Variants in DUOXA2 observed in about 807,000 individuals in gnomAD.
The protein encoded by DUOXA2 is dual oxidase maturation factor 2.
In DUOXA2, 22 loss-of-function variants were observed where a neutral mutation model predicts 27.6. The observed-to-expected ratio is 0.80, with a 90% CI of 0.57 to 1.14. The LOEUF is 1.14. DUOXA2 is among the 50% of genes most tolerant of loss of function. The pLI is 0.00. For synonymous variants in DUOXA2, 188 were observed against 184.4 expected (o/e 1.02, Z -0.16); for missense variants, 481 against 419.9 (o/e 1.15, Z -1.27).
intron 1 of DUOXA2, 53 bp downstream of exon 1, chr15:45,114,805 T>C: frequency 6.2e-7 from 1 of 1,613,346 alleles, no homozygotes. Context: ...ATGGGCAGAT[T>C]GTCTCCTGAG....
intron 2 of DUOXA2, 61 bp from the exon 3 acceptor site, chr15:45,116,063 C>T (rs2141164928): frequency 5.0e-6 from 8 of 1,612,484 alleles, no homozygotes; most frequent in South Asian, 2.2e-5. Context: ...ACCTCCCATA[C>T]CACTCTCTAA....
chr15:45,114,822 A>T, intron 1 of DUOXA2, 70 bp downstream of exon 1: 1 of 1,608,312 alleles, frequency 6.2e-7, no homozygotes, highest in South Asian at 1.1e-5. Flanking sequence ...TGAGGGACCC[A>T]GGACAGGTAA....
chr15:45,116,453 G>T, intron 3 of DUOXA2, 63 bp from the exon 4 acceptor site: 1 of 1,597,504 alleles, frequency 6.3e-7, no homozygotes, highest in South Asian at 1.1e-5. Context: ...TTTCCTGTCT[G>T]AATCCGCTTA....
At chr15:45,115,954 T>A in intron 2 of DUOXA2, 98 bp downstream of exon 2, 1 of 1,596,364 alleles carries the variant, frequency 6.3e-7, no homozygotes, top group East Asian at 2.2e-5. Flanking sequence ...GGTTTTCTGC[T>A]CCCTCTTCCC....
At chr15:45,116,982 C>T in intron 4 of DUOXA2, 109 bp from the exon 5 acceptor site, 2 of 1,345,968 alleles carry the variant, frequency 1.5e-6, no homozygotes, top group Non-Finnish European at 1.0e-6. Context: ...CGCTGCCATC[C>T]CAGTCCCTGG....
chr15:45,117,432 G>GA, intron 5 of DUOXA2, 127 bp downstream of exon 5: 1 of 1,526,408 alleles, frequency 6.6e-7, no homozygotes. Flanking sequence ...ATAGTTCGCA[G>GA]AAACAGGCAC....
In DUOXA2 at chr15:45,116,224, C is replaced by T. The variant is rs780278882; in HGVS notation, c.306C>T (p.Leu102=). The change falls in exon 3 of 6, where the codon CTC becomes CTT. Residue 102 remains leucine, a synonymous_variant. Coordinates refer to ENST00000323030, the MANE Select transcript of DUOXA2 (RefSeq NM_207581.4). Reference sequence around the variant, plus strand: ...GCGTTACAGCCCGTGTCCGTCTGCTCGTGGGCCTGGAGGGCATTAATATTA... The same window carrying T: ...GCGTTACAGCCCGTGTCCGTCTGCTTGTGGGCCTGGAGGGCATTAATATTA... ...AARVTARVRL[L]VGLEGINITL... 4 of 1,613,974 alleles carry T rather than the reference C, an allele frequency of 2.5e-6. No individual in the cohort carries two copies. Among genetic ancestry groups the T allele is most frequent in the African/African-American group, 2.7e-5 (2 of 74,910 alleles).
In DUOXA2 at chr15:45,116,611, C is replaced by T; in HGVS notation, c.436C>T (p.Leu146=). The change falls in exon 4 of 6, where the codon CTG becomes TTG. Residue 146 remains leucine, a synonymous_variant. Transcript: ENST00000323030. ...ENYAAEYANA[L]EKGLPDPVLY... ...TTACGCCGCGGAGTACGCGAACGCA[C>T]TGGAGAAGGGGCTGCCGGACCCAGT... The T allele has an allele frequency of 1.9e-6, 3 of 1,614,054 alleles. No individual in the cohort carries two copies. The highest frequency in any genetic ancestry group is 2.2e-5 in the East Asian group (1 of 44,888).
chr15:45,116,864 C>T (rs1894660277), intron 4 of DUOXA2, 135 bp downstream of exon 4: 5 of 1,058,984 alleles, frequency 4.7e-6, no homozygotes, highest in Non-Finnish European at 6.6e-6. Flanking sequence ...GCATGACAGC[C>T]TCGCGGGTTA....
chr15:45,117,751 AGTC>A lies in DUOXA2; in HGVS notation c.806_808del (p.Ser269_Leu270delinsIle), dbSNP rs1894756382. The stretch of plus-strand genomic sequence containing the variant: ...CCTCTTCCTCGGAGGGGCCGTGGTG[AGTC>A]TCCAGTATGTTCGGCCCAGCGCTCT... On this transcript the variant is annotated inframe_deletion, in exon 6 of 6. Transcript: ENST00000323030. 1 of 1,612,820 alleles carries A rather than the reference AGTC, an allele frequency of 6.2e-7. No homozygotes were observed. Among genetic ancestry groups the A allele is most frequent in the South Asian group, 1.1e-5 (1 of 91,054 alleles).
rs759346043 is a variant in DUOXA2, at chr15:45,116,196, C to A, written c.278C>A (p.Ala93Glu). 1.2e-6 allele frequency: 2 copies of A among 1,614,004 alleles called. No homozygotes were observed. The highest frequency in any genetic ancestry group is 1.3e-5 in the African/African-American group (1 of 74,922). The change falls in exon 3 of 6, where the codon GCG (alanine) becomes GAG (glutamate). Residue 93 changes from alanine (A) to glutamate (E), a missense_variant. By Grantham distance (107) the Ala-to-Glu change is moderately radical. Coordinates refer to ENST00000323030, the MANE Select transcript of DUOXA2 (RefSeq NM_207581.4). ...ACATCCTACAAAGCCTTCAGCGCAG[C>A]GCGCGTTACAGCCCGTGTCCGTCTG... ...TNTSYKAFSAARVTARVRLLV... is the reference protein window; with the variant it reads ...TNTSYKAFSAERVTARVRLLV...
At chr15:45,116,871 G>A in intron 4 of DUOXA2, 142 bp downstream of exon 4, 1 of 1,056,530 alleles carries the variant, frequency 9.5e-7, no homozygotes, top group Non-Finnish European at 1.3e-6. Flanking sequence ...AGCCTCGCGG[G>A]TTAGAAGATC....
chr15:45,115,771 G>C (rs1372152631), intron 1 of DUOXA2, 28 bp from the exon 2 acceptor site: 2 of 1,614,136 alleles, frequency 1.2e-6, no homozygotes, highest in Admixed American at 3.3e-5. Flanking sequence ...GCAGGGCTCA[G>C]GCCTGACCCG....
chr15:45,115,588 A>G, intron 1 of DUOXA2: 1 of 698,764 alleles, frequency 1.4e-6, no homozygotes, highest in Non-Finnish European at 2.6e-6. Context: ...CTGTTAGGGT[A>G]GATGGGAAAT....
At position 45,118,190 on chromosome 15, in the gene DUOXA2, T is replaced by C. The variant is rs572078144; in HGVS notation, c.*281T>C. On this transcript the variant is annotated 3_prime_UTR_variant, in exon 6 of 6. Coordinates refer to ENST00000323030, the MANE Select transcript of DUOXA2 (RefSeq NM_207581.4). ...CTTCGCTGGGCTGGAGACAGCCTAGTACACTCTCCGCAGTGCTGTGAAACC... is the reference window on the plus strand; with the variant it reads ...CTTCGCTGGGCTGGAGACAGCCTAGCACACTCTCCGCAGTGCTGTGAAACC... 4.2e-6 allele frequency: 6 copies of C among 1,431,688 alleles called. No homozygotes were observed. In the East Asian group the frequency reaches 1.3e-4, roughly 30 times the overall value. The allele number at this position is 1,431,688 out of a possible 1,614,324, so 88.7% of individuals were successfully genotyped here.
At chr15:45,115,279 C>T in intron 1 of DUOXA2, 1 of 368,900 alleles carries the variant, frequency 2.7e-6, no homozygotes, top group South Asian at 2.0e-5. Context: ...TCTCCCAGAA[C>T]CTAGGTTGTG....
chr15:45,118,324 C>T lies in DUOXA2; in HGVS notation c.*415C>T. On this transcript the variant is annotated 3_prime_UTR_variant, in exon 6 of 6. Transcript: ENST00000323030. Reference sequence around the variant, plus strand: ...ACCACCCCAGGGGGACGTTAGGTGGCAGTGATGAGGCAGGTCACCCACTCC... The same window carrying T: ...ACCACCCCAGGGGGACGTTAGGTGGTAGTGATGAGGCAGGTCACCCACTCC... 2 of 1,218,260 alleles carry T rather than the reference C, an allele frequency of 1.6e-6. No homozygotes were observed. The highest frequency in any genetic ancestry group is 2.0e-6 in the Non-Finnish European group (2 of 976,476). 75.5% of individuals were successfully genotyped at this position (1,218,260 alleles called of 1,614,324 possible). A position where few individuals can be genotyped will look rare whatever the true frequency, so the allele number is the denominator to read the frequency against.
intron 2 of DUOXA2, 129 bp from the exon 3 acceptor site, chr15:45,115,995 T>G: frequency 1.3e-6 from 2 of 1,587,366 alleles, no homozygotes; most frequent in Non-Finnish European, 1.7e-6. Flanking sequence ...GCCCACTTTT[T>G]GGCCCTTACC....
chr15:45,114,329 G>A lies in DUOXA2; in HGVS notation c.-277G>A, dbSNP rs1758142470. On this transcript the variant is annotated 5_prime_UTR_variant, in exon 1 of 6. Coordinates refer to ENST00000323030, the MANE Select transcript of DUOXA2 (RefSeq NM_207581.4). ...GTCCCGCGCGACTTCCAAACTCAGC[G>A]CCAACCCGCAGAACCAGGAAAGTAA... is the stretch of plus-strand genomic sequence containing the variant. The A allele has an allele frequency of 8.0e-6, 4 of 503,052 alleles. No individual in the cohort carries two copies. The highest frequency in any genetic ancestry group is 7.5e-5 in the East Asian group (2 of 26,754). 31.2% of individuals were successfully genotyped at this position (503,052 alleles called of 1,614,324 possible).
Sources: allele counts gnomAD v4.1 joint callset, GRCh38; gene constraint gnomAD v4.1.1; transcripts MANE v1.5; gene names NCBI Gene and HGNC (gene_info 2026-07-23, HGNC 2026-07-21).